Variants in TMC1 observed in about 807,000 individuals in gnomAD.
TMC1 encodes the protein transmembrane channel like 1, also known as transmembrane channel-like protein 1.
A neutral mutation model predicts 105.8 loss-of-function variants in TMC1; 84 were observed. That is an observed-to-expected ratio of 0.79 (90% confidence interval 0.67 to 0.95). The LOEUF is 0.95. Among genes scored for constraint, TMC1 ranks in the 40% least tolerant of loss-of-function variants. The pLI is 0.00. For missense variants in TMC1, 817 were observed against 914.1 expected (o/e 0.89, Z 1.37); for synonymous variants, 315 against 311.5 (o/e 1.01, Z -0.12).
chr9:72,704,032 G>T (rs1276406167), intron 8 of TMC1, among the ~76,000 whole-genome samples: 3 of 152,150 alleles, frequency 2.0e-5, no homozygotes. Context: ...AGAACAAGTG[G>T]TCAGTACTTC....
At chr9:72,691,112 T>A (rs2132186281) in intron 6 of TMC1, among the ~76,000 whole-genome samples, 1 of 152,314 alleles carries the variant, frequency 6.6e-6, no homozygotes, top group South Asian at 2.1e-4. Flanking sequence ...ACCTCTGTAG[T>A]GAATTTCTGT....
intron 8 of TMC1, among the ~76,000 whole-genome samples, chr9:72,719,638 C>G (rs1354741072): frequency 6.6e-6 from 1 of 152,166 alleles, no homozygotes; most frequent in Non-Finnish European, 1.5e-5. Context: ...GTTCTTGGAA[C>G]AAAAGTTCAC....
chr9:72,780,900 A>G lies in TMC1; in HGVS notation c.885-7439A>G, dbSNP rs567413751. ...TTCTGCACCTTACTGACAGTATTAG[A>G]CAGATTATTGAGGCAGAAAACTAAC... On this transcript the variant is annotated intron_variant, in intron 13 of 23. Transcript: ENST00000297784. Among the ~76,000 whole-genome samples the G allele has an allele frequency of 2.0e-5, 3 of 152,304 alleles. No homozygotes were observed. In the South Asian group the frequency reaches 6.2e-4, roughly 32 times the overall value.
intron 21 of TMC1, among the ~76,000 whole-genome samples, chr9:72,829,899 A>C (rs555621514): frequency 4.5e-4 from 68 of 152,316 alleles, no homozygotes; most frequent in African/African-American, 1.6e-3. Context: ...TCCTTTATAC[A>C]ACGTTTTCTT....
At chr9:72,543,763 T>C (rs1823717236) in intron 1 of TMC1, among the ~76,000 whole-genome samples, 1 of 152,052 alleles carries the variant, frequency 6.6e-6, no homozygotes, top group Admixed American at 6.6e-5. Context: ...TCTTTTTTTA[T>C]TTTTTAACTT....
chr9:72,676,167 G>T (rs1358573662), intron 5 of TMC1, among the ~76,000 whole-genome samples: 1 of 152,130 alleles, frequency 6.6e-6, no homozygotes, highest in Non-Finnish European at 1.5e-5. Context: ...ATTGGCGTTG[G>T]AGTTAAGAGT....
intron 1 of TMC1, among the ~76,000 whole-genome samples, chr9:72,564,374 T>C (rs1824111090): frequency 6.6e-6 from 1 of 152,238 alleles, no homozygotes; most frequent in African/African-American, 2.4e-5. Context: ...TAATATTACT[T>C]GAAACTTTTA....
At chr9:72,707,646 G>A (rs1826766351) in intron 8 of TMC1, among the ~76,000 whole-genome samples, 1 of 151,896 alleles carries the variant, frequency 6.6e-6, no homozygotes, top group African/African-American at 2.4e-5. Flanking sequence ...GTTCTTTGTA[G>A]ATTCTGGATA....
At position 72,598,960 on chromosome 9, in the gene TMC1, G is replaced by A. The variant is rs538809393; in HGVS notation, c.-305-17408G>A. Among the ~76,000 whole-genome samples, 12 of 152,304 alleles carry A rather than the reference G, an allele frequency of 7.9e-5. No individual in the cohort carries two copies. The East Asian group carries it at 1.4e-3, about 17-fold the overall frequency. ...AGAGTGTTTGGTATTAATTGAGCAA[G>A]GAGGAATTTGTAGGAAAGGCTTGGC... On this transcript the variant is annotated intron_variant, in intron 2 of 23. Coordinates refer to ENST00000297784, the MANE Select transcript of TMC1 (RefSeq NM_138691.3).
Position 72,829,845 on chromosome 9 carries a change from T to C in TMC1, c.2130-606T>C, listed in dbSNP as rs541968055. Among the ~76,000 whole-genome samples, 3 of 152,364 alleles carry C rather than the reference T, an allele frequency of 2.0e-5. No homozygotes were observed. The South Asian group carries it at 6.2e-4, about 32-fold the overall frequency. ...TTTTACAGAATTGTCTGGCTAGAATTTGCCCTTTCTAGAATGTAAATGTCA... is the reference window on the plus strand; with the variant it reads ...TTTTACAGAATTGTCTGGCTAGAATCTGCCCTTTCTAGAATGTAAATGTCA... On this transcript the variant is annotated intron_variant, in intron 21 of 23. Transcript: ENST00000297784.
chr9:72,706,809 C>G (rs565151580), intron 8 of TMC1, among the ~76,000 whole-genome samples: 1 of 144,502 alleles, frequency 6.9e-6, no homozygotes, highest in South Asian at 2.1e-4. Flanking sequence ...GGATCTTGCT[C>G]TGTCACCCAG....
At chr9:72,750,117 CA>C (rs908130768) in intron 10 of TMC1, among the ~76,000 whole-genome samples, 35 of 151,962 alleles carry the variant, frequency 2.3e-4, no homozygotes, top group African/African-American at 7.7e-4. Context: ...CAAAACAAAA[CA>C]AAAAAAGAAT....
In TMC1 at chr9:72,610,223, G is replaced by C. The variant is rs763883694; in HGVS notation, c.-305-6145G>C. On this transcript the variant is annotated intron_variant, in intron 2 of 23. Coordinates refer to ENST00000297784, the MANE Select transcript of TMC1 (RefSeq NM_138691.3). ...ACTTGATTTTTAAAATATTGGACTA[G>C]AGCTTAAAAGAAGATTATATTAGTC... Among the ~76,000 whole-genome samples, 4 of 152,250 alleles carry C rather than the reference G, an allele frequency of 2.6e-5. No individual in the cohort carries two copies. In the South Asian group the frequency reaches 6.2e-4, roughly 24 times the overall value.
intron 4 of TMC1, among the ~76,000 whole-genome samples, chr9:72,637,666 A>G (rs79260684): frequency 8.1e-4 from 123 of 152,298 alleles, no homozygotes; most frequent in African/African-American, 2.9e-3. Context: ...AATAGAGTCT[A>G]TTTTCTACCC....
intron 2 of TMC1, among the ~76,000 whole-genome samples, chr9:72,586,018 T>C (rs1824549944): frequency 6.6e-6 from 1 of 152,216 alleles, no homozygotes; most frequent in African/African-American, 2.4e-5. Context: ...AACCAGCAGC[T>C]GCATCGAATC....
chr9:72,534,230 A>T (rs1823542141), intron 1 of TMC1, among the ~76,000 whole-genome samples: 1 of 152,236 alleles, frequency 6.6e-6, no homozygotes, highest in African/African-American at 2.4e-5. Flanking sequence ...GGAGAGGGAC[A>T]GCTGTCTCTT....
intron 10 of TMC1, among the ~76,000 whole-genome samples, chr9:72,751,435 T>TA (rs1444582989): frequency 6.6e-6 from 1 of 152,250 alleles, no homozygotes; most frequent in Non-Finnish European, 1.5e-5. Context: ...AAAATAGCAG[T>TA]AATTATAATT....
chr9:72,623,516 A>G (rs1440694872), intron 3 of TMC1, among the ~76,000 whole-genome samples: 1 of 152,160 alleles, frequency 6.6e-6, no homozygotes, highest in Non-Finnish European at 1.5e-5. Context: ...ACTCTACTCC[A>G]AGAAATAAGA....
intron 2 of TMC1, among the ~76,000 whole-genome samples, chr9:72,615,282 A>G (rs1825108028): frequency 6.6e-6 from 1 of 152,210 alleles, no homozygotes; most frequent in East Asian, 1.9e-4. Flanking sequence ...TTATAGATGA[A>G]GAAAACTGAG....
Sources: gnomAD v4.1 joint callset for allele counts (sites outside exome capture counted in the v4.1 genomes callset) on GRCh38, gnomAD v4.1.1 for gene constraint, MANE v1.5 for transcripts, NCBI Gene and HGNC (gene_info 2026-07-23, HGNC 2026-07-21) for gene names.